Variants in TTC3 observed in about 807,000 individuals in gnomAD.
TTC3 encodes the protein tetratricopeptide repeat domain 3, also known as E3 ubiquitin-protein ligase TTC3.
A neutral mutation model predicts 249.6 loss-of-function variants in TTC3; 180 were observed. That is an observed-to-expected ratio of 0.72 (90% CI 0.64 to 0.82). TTC3 has a LOEUF of 0.82. Among genes scored for constraint, TTC3 ranks in the 40% least tolerant of loss-of-function variants. The probability of loss-of-function intolerance (pLI) is 0.00; values close to 1 mark genes in which losing one functional copy is unlikely to be tolerated. For missense variants in TTC3, 2,061 were observed against 2,398.4 expected (o/e 0.86, Z 2.94); for synonymous variants, 717 against 805.0 (o/e 0.89, Z 1.85).
intron 17 of TTC3, among the ~76,000 whole-genome samples, chr21:37,133,615 TG>T: frequency 6.6e-6 from 1 of 152,300 alleles, no homozygotes; most frequent in Non-Finnish European, 1.5e-5. Flanking sequence ...CTCCATATGC[TG>T]GGGAGTGAGA....
intron 1 of TTC3, among the ~76,000 whole-genome samples, chr21:37,073,788 G>A (rs966370469): frequency 1.3e-5 from 2 of 152,196 alleles, no homozygotes; most frequent in Non-Finnish European, 1.5e-5. Context: ...TGGCGGCTGC[G>A]TGGGCGCTCT....
intron 31 of TTC3, among the ~76,000 whole-genome samples, chr21:37,163,473 C>T (rs1405521494): frequency 6.6e-6 from 1 of 152,192 alleles, no homozygotes; most frequent in Non-Finnish European, 1.5e-5. Context: ...GCCTCAGCCT[C>T]CTGAGTAGCT....
At chr21:37,116,274 CAT>C (rs2076134974) in intron 11 of TTC3, among the ~76,000 whole-genome samples, 1 of 152,104 alleles carries the variant, frequency 6.6e-6, no homozygotes, top group Non-Finnish European at 1.5e-5. Flanking sequence ...GTCAATAAAA[CAT>C]AGGCTGGAAA....
chr21:37,155,723 C>T (rs186390820), intron 27 of TTC3, among the ~76,000 whole-genome samples: 2 of 152,146 alleles, frequency 1.3e-5, no homozygotes, highest in South Asian at 2.1e-4. Context: ...GGGGCTTCAC[C>T]GTCATTTCAG....
intron 10 of TTC3, among the ~76,000 whole-genome samples, chr21:37,106,774 A>G (rs1357944169): frequency 1.3e-5 from 2 of 152,172 alleles, no homozygotes; most frequent in East Asian, 1.9e-4. Flanking sequence ...GCATGTGCCT[A>G]TATTCCCAGC....
intron 20 of TTC3, among the ~76,000 whole-genome samples, chr21:37,144,100 G>T (rs574766139): frequency 6.6e-6 from 1 of 151,852 alleles, no homozygotes; most frequent in East Asian, 1.9e-4. Flanking sequence ...TTGTGAGGTG[G>T]GGGGAGGGGA....
At chr21:37,143,694 A>G (rs2078711547) in intron 20 of TTC3, among the ~76,000 whole-genome samples, 1 of 151,172 alleles carries the variant, frequency 6.6e-6, no homozygotes, top group African/African-American at 2.4e-5. Flanking sequence ...GCGATTCCTC[A>G]GGGATCTCGA....
At position 37,132,782 on chromosome 21, in the gene TTC3, T is replaced by C; in HGVS notation, c.1443+16T>C. On this transcript the variant is annotated intron_variant, in intron 17 of 45. Coordinates refer to ENST00000355666, the Ensembl canonical transcript of TTC3. ...TGCACACCAGGTAATGGAGAAGCTT[T>C]TCCAATGGAAAAAGCAAAACTCTTT... 6.3e-7 allele frequency: 1 copy of C among 1,578,100 alleles called. No homozygotes were observed. The highest frequency in any genetic ancestry group is 8.6e-7 in the Non-Finnish European group (1 of 1,165,250).
rs189990004 is a variant in TTC3, at chr21:37,131,200, C to T, written c.1359-1482C>T. Among the ~76,000 whole-genome samples, 265 of 152,196 alleles carry T rather than the reference C, an allele frequency of 1.7e-3. 5 individuals are homozygous for T. The highest frequency in any genetic ancestry group is 0.014 in the Middle Eastern group (4 of 294). On this transcript the variant is annotated intron_variant, in intron 16 of 45. Transcript: ENST00000355666. ...CTAATGAGGTGACTCAAGGTAGTGC[C>T]TCAGATAGTTCAGGAGGAGGTCTCG...
intron 1 of TTC3, among the ~76,000 whole-genome samples, chr21:37,075,494 G>T (rs556114819): frequency 2.0e-5 from 3 of 152,318 alleles, no homozygotes; most frequent in Admixed American, 6.5e-5. Context: ...AGAAGCTCTC[G>T]AAGTGGTTGT....
intron 11 of TTC3, among the ~76,000 whole-genome samples, chr21:37,119,459 T>C (rs957406172): frequency 1.3e-5 from 2 of 152,148 alleles, no homozygotes; most frequent in Non-Finnish European, 2.9e-5. Flanking sequence ...CCCAGGGATG[T>C]GCTGATCAGT....
At chr21:37,181,512 G>C (rs2082756273) in intron 35 of TTC3, among the ~76,000 whole-genome samples, 1 of 152,236 alleles carries the variant, frequency 6.6e-6, no homozygotes, top group South Asian at 2.1e-4. Flanking sequence ...TCACAGTAAT[G>C]ACTCAAGAAA....
chr21:37,146,220 G>T (rs1338522073), intron 21 of TTC3, among the ~76,000 whole-genome samples: 1 of 152,078 alleles, frequency 6.6e-6, no homozygotes, highest in Admixed American at 6.6e-5. Flanking sequence ...CTGGGCAACA[G>T]AGTGAGAGTC....
intron 1 of TTC3, among the ~76,000 whole-genome samples, chr21:37,074,731 T>C (rs772047538): frequency 6.6e-6 from 1 of 152,218 alleles, no homozygotes; most frequent in African/African-American, 2.4e-5. Flanking sequence ...GGTAAGAAAC[T>C]TCAAACCCCT....
intron 27 of TTC3, 59 bp downstream of exon 27, chr21:37,153,336 CTG>C (rs1229768988): frequency 7.0e-7 from 1 of 1,438,264 alleles, no homozygotes; most frequent in Non-Finnish European, 9.4e-7. Flanking sequence ...GTGTAGGTCT[CTG>C]AGTCATTTTC....
At chr21:37,100,255 G>A (rs927882267) in intron 10 of TTC3, among the ~76,000 whole-genome samples, 1 of 152,122 alleles carries the variant, frequency 6.6e-6, no homozygotes, top group South Asian at 2.1e-4. Flanking sequence ...TGGTACATGG[G>A]TGTTCATTTT....
intron 28 of TTC3, 138 bp from the exon 29 acceptor site, chr21:37,159,561 T>C (rs4817852): frequency 1 from 950,302 of 950,308 alleles, 475,148 homozygotes; most frequent in Middle Eastern, 1. Flanking sequence ...GTTTCTAAAC[T>C]ACACTTGTGT....
At chr21:37,076,720 T>TTTTTA (rs2070924163) in intron 1 of TTC3, among the ~76,000 whole-genome samples, 5 of 144,634 alleles carry the variant, frequency 3.5e-5, no homozygotes, top group Non-Finnish European at 6.0e-5. Context: ...TTTTTTTTTT[T>TTTTTA]GAGTGAAGTT....
chr21:37,185,390 G>GT (rs1458280583), intron 36 of TTC3, among the ~76,000 whole-genome samples: 16 of 152,294 alleles, frequency 1.1e-4, no homozygotes, highest in African/African-American at 3.9e-4. Context: ...AGAATCTCTG[G>GT]TTACACTGAT....
Sources: allele counts gnomAD v4.1 joint callset (sites outside exome capture counted in the v4.1 genomes callset), GRCh38; gene constraint gnomAD v4.1.1; transcripts MANE v1.5; gene names NCBI Gene and HGNC (gene_info 2026-07-23, HGNC 2026-07-21).